AGBL4: variants seen among roughly 807,000 people sequenced by gnomAD.
AGBL4 encodes cytosolic carboxypeptidase 6.
In AGBL4, 58 loss-of-function variants were observed where a neutral mutation model predicts 66.4. That is an observed-to-expected ratio of 0.87 (90% confidence interval 0.71 to 1.09). The LOEUF is 1.09. Among genes scored for constraint, AGBL4 ranks in the 50% least tolerant of loss-of-function variants. The probability of loss-of-function intolerance (pLI) is 0.00; values close to 1 mark genes in which losing one functional copy is unlikely to be tolerated. For synonymous variants in AGBL4, 234 were observed against 222.9 expected (o/e 1.05, Z -0.44); for missense variants, 579 against 631.0 (o/e 0.92, Z 0.88).
intron 3 of AGBL4, among the ~76,000 whole-genome samples, chr1:49,413,853 A>T (rs1557918022): frequency 6.6e-6 from 1 of 152,138 alleles, no homozygotes; most frequent in Non-Finnish European, 1.5e-5. Flanking sequence ...CTTTCTAGTT[A>T]TGTGATCTGT....
chr1:50,000,806 G>A (rs900845565), intron 1 of AGBL4, among the ~76,000 whole-genome samples: 10 of 152,108 alleles, frequency 6.6e-5, no homozygotes, highest in Non-Finnish European at 1.5e-4. Context: ...AGTAACTCAG[G>A]AATGGAAAAC....
At chr1:49,210,901 C>T (rs923074387) in intron 4 of AGBL4, among the ~76,000 whole-genome samples, 2 of 152,034 alleles carry the variant, frequency 1.3e-5, no homozygotes, top group Non-Finnish European at 2.9e-5. Context: ...CTTTTTCACC[C>T]TGGATATGCT....
At chr1:49,237,385 C>A (rs1650844230) in intron 4 of AGBL4, among the ~76,000 whole-genome samples, 1 of 151,670 alleles carries the variant, frequency 6.6e-6, no homozygotes, top group Non-Finnish European at 1.5e-5. Flanking sequence ...GATTGTGAGG[C>A]CTCCCCAGCC....
intron 3 of AGBL4, among the ~76,000 whole-genome samples, chr1:49,502,695 G>C (rs1334232943): frequency 6.6e-6 from 1 of 152,040 alleles, no homozygotes; most frequent in East Asian, 1.9e-4. Context: ...GGAAGTAATT[G>C]GGAAGAGGAA....
intron 6 of AGBL4, among the ~76,000 whole-genome samples, chr1:48,735,381 G>A (rs925700283): frequency 2.6e-5 from 4 of 151,936 alleles, no homozygotes; most frequent in African/African-American, 9.7e-5. Flanking sequence ...AAGAATGGAT[G>A]GATGGAGGGA....
intron 3 of AGBL4, among the ~76,000 whole-genome samples, chr1:49,510,036 G>A (rs1360911503): frequency 6.6e-6 from 1 of 151,958 alleles, no homozygotes; most frequent in East Asian, 1.9e-4. Flanking sequence ...GGCTTGCTTT[G>A]TGAGTTAATA....
chr1:49,045,771 T>C lies in AGBL4; in HGVS notation c.407A>G (p.Tyr136Cys), dbSNP rs1224980957. 6.4e-7 allele frequency: 1 copy of C among 1,551,386 alleles called. No individual in the cohort carries two copies. The highest frequency in any genetic ancestry group is 8.7e-7 in the Non-Finnish European group (1 of 1,146,654). The stretch of plus-strand genomic sequence containing the variant: ...CTTCCTATGGTCCGGGCAGCGGTAG[T>C]AGTAAACATTTTTGGGTGGCAGCCT... ...WQRLPPKNVY[Y>C]YRCPDHRKNY... The change falls in exon 5 of 14, where the codon TAC becomes TGC. Residue 136 changes from tyrosine to cysteine, a missense_variant. By Grantham distance (194) the Tyr-to-Cys change is radical (BLOSUM62 -2). Transcript: ENST00000371839.
At chr1:49,232,429 T>G (rs1220082398) in intron 4 of AGBL4, among the ~76,000 whole-genome samples, 1 of 152,142 alleles carries the variant, frequency 6.6e-6, no homozygotes, top group Non-Finnish European at 1.5e-5. Flanking sequence ...CTGGGCGCGG[T>G]GGCTCAAGCC....
At chr1:49,810,401 G>A (rs899445360) in intron 2 of AGBL4, among the ~76,000 whole-genome samples, 1 of 152,100 alleles carries the variant, frequency 6.6e-6, no homozygotes, top group Non-Finnish European at 1.5e-5. Context: ...TAAAAGAACA[G>A]TTTAAACAAT....
chr1:49,707,367 C>CTTT (rs34368394), intron 2 of AGBL4, among the ~76,000 whole-genome samples: 70 of 76,202 alleles, frequency 9.2e-4, no homozygotes, highest in Non-Finnish European at 1.2e-3. Context: ...GCAACCCCTG[C>CTTT]TTTTTTTTTT....
At chr1:48,687,366 C>T (rs559735502) in intron 6 of AGBL4, among the ~76,000 whole-genome samples, 3 of 152,190 alleles carry the variant, frequency 2.0e-5, no homozygotes, top group Admixed American at 6.5e-5. Context: ...AGAGGAGAGG[C>T]GGTGGAGAAA....
chr1:49,047,459 T>C (rs1557595010), intron 4 of AGBL4, among the ~76,000 whole-genome samples: 1 of 152,092 alleles, frequency 6.6e-6, no homozygotes, highest in Non-Finnish European at 1.5e-5. Flanking sequence ...CATAAATACA[T>C]AAATAACAGT....
chr1:49,816,988 G>C (rs554758570), intron 2 of AGBL4, among the ~76,000 whole-genome samples: 3 of 152,270 alleles, frequency 2.0e-5, no homozygotes, highest in South Asian at 4.1e-4. Context: ...AACTATATTA[G>C]AGATGTCCAT....
At chr1:49,918,794 A>G (rs1161054831) in intron 1 of AGBL4, among the ~76,000 whole-genome samples, 4 of 152,254 alleles carry the variant, frequency 2.6e-5, no homozygotes, top group Non-Finnish European at 4.4e-5. Context: ...AGAGAATTAT[A>G]GACCAATATC....
At chr1:49,587,637 T>G (rs1203616760) in intron 3 of AGBL4, among the ~76,000 whole-genome samples, 2 of 152,132 alleles carry the variant, frequency 1.3e-5, no homozygotes, top group East Asian at 1.9e-4. Flanking sequence ...AGAGTAAATA[T>G]CAGAATTGAA....
Position 49,555,083 on chromosome 1 carries a change from C to T in AGBL4, c.282+142230G>A, listed in dbSNP as rs140257148. Among the ~76,000 whole-genome samples the T allele has an allele frequency of 1.5e-4, 23 of 152,268 alleles. No homozygotes were observed. The East Asian group carries it at 3.9e-3, about 26-fold the overall frequency. ...GTTGCCACTGCTGGCTCTCTGGCAG[C>T]CTGCTTTTATTCCCTTATCTGACCC... On this transcript the variant is annotated intron_variant, in intron 3 of 13. Transcript: ENST00000371839.
At chr1:48,562,827 C>A (rs1378864752) in intron 11 of AGBL4, among the ~76,000 whole-genome samples, 1 of 152,186 alleles carries the variant, frequency 6.6e-6, no homozygotes, top group Non-Finnish European at 1.5e-5. Context: ...GTTGGTTATT[C>A]ATGCAATAAT....
Position 49,715,116 on chromosome 1 carries a change from A to T in AGBL4, c.158-17679T>A, listed in dbSNP as rs549422885. Among the ~76,000 whole-genome samples, 336 of 151,894 alleles carry T rather than the reference A, an allele frequency of 2.2e-3. 4 individuals carry two copies. The highest frequency in any genetic ancestry group is 7.8e-3 in the African/African-American group (323 of 41,448). On this transcript the variant is annotated intron_variant, in intron 2 of 13. Transcript: ENST00000371839. Reference sequence around the variant, plus strand: ...TTTCTCCTAATGCTATCCCTCCCCTAGCCCCCCAGCCCCAACAGGCTCTGG... The same window carrying T: ...TTTCTCCTAATGCTATCCCTCCCCTTGCCCCCCAGCCCCAACAGGCTCTGG...
intron 5 of AGBL4, among the ~76,000 whole-genome samples, chr1:48,928,922 G>A (rs1401139230): frequency 6.6e-6 from 1 of 152,076 alleles, no homozygotes; most frequent in Non-Finnish European, 1.5e-5. Flanking sequence ...TGACATTTCA[G>A]TCCTTTACTA....
Sources: gnomAD v4.1 joint callset for allele counts (sites outside exome capture counted in the v4.1 genomes callset) on GRCh38, gnomAD v4.1.1 for gene constraint, MANE v1.5 for transcripts, NCBI Gene and HGNC (gene_info 2026-07-23, HGNC 2026-07-21) for gene names.